XPR1: variants seen among roughly 807,000 people sequenced by gnomAD.
XPR1 encodes solute carrier family 53 member 1.
Under a neutral mutation model 87.5 loss-of-function variants are expected in XPR1, and 28 were observed. That is an observed-to-expected ratio of 0.32 (90% CI 0.24 to 0.44). The LOEUF is 0.44. Ranked by LOEUF, XPR1 falls within the 20% of genes least tolerant of loss-of-function variation. The pLI is 1.00. For synonymous variants in XPR1, 300 were observed against 306.1 expected, an observed-to-expected ratio of 0.98 and a Z score of 0.21; for missense variants, 559 against 862.3, an observed-to-expected ratio of 0.65 and a Z score of 4.41.
chr1:180,828,637 T>C (rs1650947801), intron 9 of XPR1, among the ~76,000 whole-genome samples: 2 of 152,220 alleles, frequency 1.3e-5, no homozygotes, highest in Non-Finnish European at 2.9e-5. Context: ...ATTTAGTAAC[T>C]ACTTTATGTA....
intron 2 of XPR1, among the ~76,000 whole-genome samples, chr1:180,774,969 A>T (rs757652106): frequency 9.9e-5 from 15 of 152,204 alleles, no homozygotes; most frequent in Non-Finnish European, 2.2e-4. Flanking sequence ...GGAGGGGTCC[A>T]ACACTATGTC....
At chr1:180,663,844 C>T (rs1376756172) in intron 1 of XPR1, among the ~76,000 whole-genome samples, 1 of 152,114 alleles carries the variant, frequency 6.6e-6, no homozygotes, top group Admixed American at 6.5e-5. Context: ...GCTGAGCAGG[C>T]GCTGAAACCA....
rs1658441836 is a variant in XPR1 at position 180,728,603 on chromosome 1, C to T, written c.121+46192C>T. ...TCCCAGAGGCTGCTAAAACTTTAGG[C>T]ATCACTCGATAAGTCATATATGCAC... On this transcript the variant is annotated intron_variant, in intron 2 of 14. Transcript: ENST00000367590. Among the ~76,000 whole-genome samples the T allele has an allele frequency of 2.0e-5, 3 of 152,166 alleles. No individual in the cohort carries two copies. The South Asian group carries it at 6.2e-4, about 32-fold the overall frequency.
intron 11 of XPR1, among the ~76,000 whole-genome samples, chr1:180,841,598 C>T (rs1651518253): frequency 6.6e-6 from 1 of 151,976 alleles, no homozygotes; most frequent in African/African-American, 2.4e-5. Flanking sequence ...AAAGAGAAAC[C>T]CTTAATGATT....
chr1:180,813,616 G>C (rs534557168), intron 7 of XPR1, among the ~76,000 whole-genome samples: 49 of 152,290 alleles, frequency 3.2e-4, no homozygotes, highest in African/African-American at 1.1e-3. Flanking sequence ...TTGGCTGGAA[G>C]AGAAGGAGAA....
At chr1:180,660,858 G>T (rs181843892) in intron 1 of XPR1, among the ~76,000 whole-genome samples, 1 of 152,256 alleles carries the variant, frequency 6.6e-6, no homozygotes, top group East Asian at 1.9e-4. Flanking sequence ...TATCTATTAG[G>T]TCCATTTGGT....
At chr1:180,637,072 G>GGAAAA (rs56985199) in intron 1 of XPR1, among the ~76,000 whole-genome samples, 16,671 of 135,966 alleles carry the variant, frequency 0.12, 1,565 homozygotes, top group African/African-American at 0.25. Context: ...AAAAAAAAAA[G>GGAAAA]GAAAAGTAAG....
intron 2 of XPR1, among the ~76,000 whole-genome samples, chr1:180,704,811 G>GTTTTTTT (rs1182063865): frequency 3.1e-5 from 2 of 63,598 alleles, no homozygotes; most frequent in Admixed American, 1.6e-4. Flanking sequence ...GGGACTGTTG[G>GTTTTTTT]TTGTTTTTTT....
intron 3 of XPR1, among the ~76,000 whole-genome samples, chr1:180,798,389 C>T (rs1649663839): frequency 6.6e-6 from 1 of 151,952 alleles, no homozygotes; most frequent in Non-Finnish European, 1.5e-5. Context: ...AAAATTTACT[C>T]AGAATGCAAC....
intron 2 of XPR1, among the ~76,000 whole-genome samples, chr1:180,781,790 G>A (rs1471319593): frequency 6.6e-6 from 1 of 151,874 alleles, no homozygotes; most frequent in African/African-American, 2.4e-5. Flanking sequence ...TTTAGCATTA[G>A]GTATATCTCC....
intron 2 of XPR1, among the ~76,000 whole-genome samples, chr1:180,715,660 G>T (rs1255293085): frequency 6.7e-6 from 1 of 149,030 alleles, no homozygotes; most frequent in East Asian, 2.0e-4. Context: ...CAGAGAAGTT[G>T]TTTTTTTTTT....
At chr1:180,745,030 T>C (rs1659043109) in intron 2 of XPR1, among the ~76,000 whole-genome samples, 1 of 152,202 alleles carries the variant, frequency 6.6e-6, no homozygotes, top group Non-Finnish European at 1.5e-5. Flanking sequence ...TTTGATATGC[T>C]ATTCATATAT....
intron 12 of XPR1, among the ~76,000 whole-genome samples, chr1:180,865,704 T>C (rs757080737): frequency 5.3e-4 from 81 of 152,336 alleles, no homozygotes; most frequent in Middle Eastern, 6.8e-3. Flanking sequence ...ATAAATTGTT[T>C]GTATCTTTAT....
intron 2 of XPR1, among the ~76,000 whole-genome samples, chr1:180,716,376 A>G (rs1657995592): frequency 2.0e-5 from 3 of 152,132 alleles, no homozygotes; most frequent in African/African-American, 4.8e-5. Flanking sequence ...AACATGAGCC[A>G]CTGCATGGCC....
At position 180,853,856 on chromosome 1, in the gene XPR1, T is replaced by A. The variant is rs1375489546; in HGVS notation, c.1502-9852T>A. Among the ~76,000 whole-genome samples, 3 of 151,004 alleles carry A rather than the reference T, an allele frequency of 2.0e-5. No homozygotes were observed. The East Asian group carries it at 5.8e-4, about 29-fold the overall frequency. On this transcript the variant is annotated intron_variant, in intron 11 of 14. Coordinates refer to ENST00000367590, the MANE Select transcript of XPR1 (RefSeq NM_004736.4). ...CGTTTTTCTTGAAATCAGTGGGAAT[T>A]ATCTGTGGTGATATTACACACAATT... is the stretch of plus-strand genomic sequence containing the variant.
intron 2 of XPR1, among the ~76,000 whole-genome samples, chr1:180,727,435 G>A (rs1166340454): frequency 5.3e-5 from 8 of 152,150 alleles, no homozygotes; most frequent in Non-Finnish European, 1.0e-4. Flanking sequence ...CCTGAGGTCA[G>A]GAGTTCGAGA....
chr1:180,813,048 C>G (rs111449961), intron 7 of XPR1, among the ~76,000 whole-genome samples: 24 of 147,332 alleles, frequency 1.6e-4, no homozygotes, highest in African/African-American at 4.9e-4. Context: ...TTTCCCCCCC[C>G]CCAATGGAAG....
chr1:180,771,135 G>T (rs74741507), intron 2 of XPR1, among the ~76,000 whole-genome samples: 1,878 of 152,240 alleles, frequency 0.012, 30 homozygotes, highest in African/African-American at 0.043. Context: ...ATAGCATGGT[G>T]CCTGGCATAT....
rs140389207 is a variant in XPR1, at chr1:180,767,762, C to T, written c.122-19991C>T. Among the ~76,000 whole-genome samples, 603 of 152,082 alleles carry T rather than the reference C, an allele frequency of 4.0e-3. 2 individuals are homozygous for T. The highest frequency in any genetic ancestry group is 7.5e-3 in the Admixed American group (114 of 15,286). ...TGCATATGTATTAATAGAAAAAATA[C>T]GCCAGTATAGTGGCTGAGATTGTCA... On this transcript the variant is annotated intron_variant, in intron 2 of 14. Transcript: ENST00000367590.
Sources: gnomAD v4.1 joint callset for allele counts (sites outside exome capture counted in the v4.1 genomes callset) on GRCh38, gnomAD v4.1.1 for gene constraint, MANE v1.5 for transcripts, NCBI Gene and HGNC (gene_info 2026-07-23, HGNC 2026-07-21) for gene names.